TLCD3A: variants seen among roughly 807,000 people sequenced by gnomAD.
TLCD3A encodes the protein TLC domain containing 3A.
Under a neutral mutation model 29.9 loss-of-function variants are expected in TLCD3A, and 17 were observed. That is an observed-to-expected ratio of 0.57 (90% CI 0.39 to 0.85). TLCD3A has a LOEUF of 0.85. Ranked by LOEUF, TLCD3A falls within the 40% of genes least tolerant of loss-of-function variation. TLCD3A has a pLI of 0.00. For missense variants in TLCD3A, 332 were observed against 350.8 expected, an observed-to-expected ratio of 0.95 and a Z score of 0.43; for synonymous variants, 143 against 147.7, an observed-to-expected ratio of 0.97 and a Z score of 0.23.
chr17:741,223 T>G, intron 4 of TLCD3A, 78 bp from the exon 5 acceptor site: 1 of 1,460,106 alleles, frequency 6.8e-7, no homozygotes, highest in Non-Finnish European at 9.5e-7. Context: ...GCATTTACTG[T>G]GGTGGGACTT....
intron 3 of TLCD3A, among the ~76,000 whole-genome samples, chr17:739,378 G>A (rs552903086): frequency 2.0e-5 from 3 of 152,072 alleles, no homozygotes; most frequent in African/African-American, 7.2e-5. Flanking sequence ...TATTAGAGAC[G>A]GGGTTTCACC....
intron 2 of TLCD3A, among the ~76,000 whole-genome samples, chr17:733,417 G>A (rs991057654): frequency 2.0e-5 from 3 of 152,244 alleles, no homozygotes; most frequent in Non-Finnish European, 4.4e-5. Flanking sequence ...CAGGGATCCA[G>A]GTCCTTCATG....
In TLCD3A at chr17:742,914, C is replaced by A. The variant is rs1462641606; in HGVS notation, c.*1344C>A. 1 of 151,958 alleles carries A rather than the reference C, an allele frequency of 6.6e-6. No individual in the cohort carries two copies. Among genetic ancestry groups the A allele is most frequent in the Non-Finnish European group, 1.5e-5 (1 of 67,970 alleles). The allele number at this position is 151,958 out of a possible 1,614,324, so 9.4% of individuals were successfully genotyped here. The stretch of plus-strand genomic sequence containing the variant: ...TTAATTGTCTTTTTTTTTTAACTAT[C>A]AGTGTATCTTTAAAAGTCACCCTTA... On this transcript the variant is annotated 3_prime_UTR_variant, in exon 5 of 5. Transcript: ENST00000308278.
intron 1 of TLCD3A, 102 bp downstream of exon 1, chr17:732,871 C>CG (rs1028603935): frequency 1.5e-6 from 2 of 1,371,558 alleles, no homozygotes; most frequent in Non-Finnish European, 1.9e-6. Flanking sequence ...GCAGGAAGCC[C>CG]GGGGGCTGCT....
At position 741,371 on chromosome 17, in the gene TLCD3A, G is replaced by A. The variant is rs201486568; in HGVS notation, c.575G>A (p.Arg192Gln). 5.9e-4 allele frequency: 945 copies of A among 1,614,142 alleles called. 2 individuals are homozygous for A. Among genetic ancestry groups the A allele is most frequent in the South Asian group, 1.1e-3 (98 of 91,078 alleles). ...ACGCTGGCCACCTTCCTTTCCTGCC[G>A]GATCCTTCTCTTCCCCTTCATGTAC... ...ILTLATFLSCRILLFPFMYWS... is the reference protein window; with the variant it reads ...ILTLATFLSCQILLFPFMYWS... Residue 192 changes from arginine to glutamine, a missense_variant, in exon 5 of 5, where the codon CGG (arginine) becomes CAG (glutamine). Transcript: ENST00000308278.
Position 741,769 on chromosome 17 carries a change from T to A in TLCD3A, c.*199T>A. 1.5e-6 allele frequency: 1 copy of A among 646,624 alleles called. No individual in the cohort carries two copies. Among genetic ancestry groups the A allele is most frequent in the Non-Finnish European group, 2.6e-6 (1 of 380,578 alleles). 40.1% of individuals were successfully genotyped at this position (646,624 alleles called of 1,614,324 possible). A position where few individuals can be genotyped will look rare whatever the true frequency, so the allele number is the denominator to read the frequency against. On this transcript the variant is annotated 3_prime_UTR_variant, in exon 5 of 5. Transcript: ENST00000308278. ...AAAGCACTTTTGTAGTAACAACTAT[T>A]GGGTCCTGTCAGACCTCCACGGACA...
At chr17:733,245 C>G (rs1974104624) in intron 2 of TLCD3A, 64 bp downstream of exon 2, 4 of 1,398,712 alleles carry the variant, frequency 2.9e-6, no homozygotes, top group Non-Finnish European at 3.8e-6. Context: ...GGCTCTGGCT[C>G]TCGCAGCACA....
At chr17:735,451 T>C (rs147395437) in intron 2 of TLCD3A, among the ~76,000 whole-genome samples, 4 of 152,256 alleles carry the variant, frequency 2.6e-5, no homozygotes, top group Admixed American at 6.5e-5. Context: ...CTCTTGCTAA[T>C]AAATCTTCAG....
chr17:740,477 C>T (rs1220413851), intron 3 of TLCD3A, 28 bp from the exon 4 acceptor site: 1 of 1,564,516 alleles, frequency 6.4e-7, no homozygotes, highest in East Asian at 2.2e-5. Flanking sequence ...CCTCCACTTA[C>T]TTCCCCTTTT....
intron 3 of TLCD3A, among the ~76,000 whole-genome samples, chr17:739,804 G>A (rs932815311): frequency 5.9e-5 from 9 of 152,142 alleles, no homozygotes; most frequent in Admixed American, 1.3e-4. Context: ...AAAAGAGGCC[G>A]GGCGAGGTGG....
intron 1 of TLCD3A, 70 bp downstream of exon 1, chr17:732,839 C>A (rs1170460161): frequency 6.5e-6 from 9 of 1,377,374 alleles, no homozygotes; most frequent in Non-Finnish European, 8.4e-6. Flanking sequence ...GGCCGCGGGG[C>A]CCAGGGCGGA....
chr17:732,862 C>T (rs1287367134), intron 1 of TLCD3A, 93 bp downstream of exon 1: 1 of 1,366,152 alleles, frequency 7.3e-7, no homozygotes, highest in South Asian at 1.7e-5. Context: ...AGGGGGGCGG[C>T]AGGAAGCCCG....
intron 4 of TLCD3A, among the ~76,000 whole-genome samples, chr17:740,962 T>C (rs899034567): frequency 7.9e-5 from 12 of 152,322 alleles, no homozygotes; most frequent in African/African-American, 1.9e-4. Context: ...GATCTAAGTT[T>C]GATAGTTTGA....
intron 3 of TLCD3A, 75 bp downstream of exon 3, chr17:738,122 G>A (rs1013290558): frequency 1.1e-5 from 5 of 444,026 alleles, no homozygotes; most frequent in African/African-American, 7.6e-5. Flanking sequence ...TTCTGAGACA[G>A]TCTCACTCTG....
intron 3 of TLCD3A, among the ~76,000 whole-genome samples, chr17:740,204 A>T (rs1974226047): frequency 6.6e-6 from 1 of 152,168 alleles, no homozygotes; most frequent in Non-Finnish European, 1.5e-5. Flanking sequence ...AAACAGGCTG[A>T]GTGTCTTGGC....
chr17:733,106 C>T lies in TLCD3A; in HGVS notation c.131C>T (p.Ser44Phe), dbSNP rs1974101049. ...CTCTCCGCCCGCGCTAGGCTGGTTT[C>T]CTCGGTGCACGCCGTGCTGGCCACC... Reference protein sequence around the residue: ...DCVMISTRLVSSVHAVLATGS... With the variant: ...DCVMISTRLVFSVHAVLATGS... Residue 44 changes from serine (S) to phenylalanine (F), a missense_variant, in exon 2 of 5, where the codon TCC becomes TTC. Transcript: ENST00000308278. 4.4e-6 allele frequency: 7 copies of T among 1,589,810 alleles called. No individual in the cohort carries two copies. Among genetic ancestry groups the T allele is most frequent in the Non-Finnish European group, 6.0e-6 (7 of 1,169,110 alleles).
chr17:740,421 C>A, intron 3 of TLCD3A, 84 bp from the exon 4 acceptor site: 1 of 1,020,100 alleles, frequency 9.8e-7, no homozygotes, highest in Non-Finnish European at 1.6e-6. Context: ...CACAGTTACC[C>A]TTTTCAGTAG....
Position 732,918 on chromosome 17 carries a change from CT to C in TLCD3A, c.122+150del, listed in dbSNP as rs536631091. The C allele has an allele frequency of 1.2e-4, 161 of 1,360,014 alleles. No homozygotes were observed. In the South Asian group the frequency reaches 2.5e-3, roughly 21 times the overall value. 84.2% of individuals were successfully genotyped at this position (1,360,014 alleles called of 1,614,324 possible). On this transcript the variant is annotated intron_variant, in intron 1 of 4. Transcript: ENST00000308278. ...CCGGCGGCCCGAGTTTCCGAAGCCC[CT>C]CCGCGTCCTCCCCTGGCGGGAGCGG...
At chr17:739,486 G>A (rs1382890722) in intron 3 of TLCD3A, among the ~76,000 whole-genome samples, 3 of 152,180 alleles carry the variant, frequency 2.0e-5, no homozygotes, top group African/African-American at 4.8e-5. Flanking sequence ...ACTGCTCTTG[G>A]CCGGCATGTA....
Sources: gnomAD v4.1 joint callset for allele counts (sites outside exome capture counted in the v4.1 genomes callset) on GRCh38, gnomAD v4.1.1 for gene constraint, MANE v1.5 for transcripts, NCBI Gene and HGNC (gene_info 2026-07-23, HGNC 2026-07-21) for gene names.